FNDC3A: variants seen among roughly 807,000 people sequenced by gnomAD.
FNDC3A encodes fibronectin type III domain containing 3A, also known as fibronectin type-III domain-containing protein 3A.
FNDC3A carries 32 observed loss-of-function variants against 148.9 expected under a neutral mutation model. That is an observed-to-expected ratio of 0.21 (90% CI 0.16 to 0.29). FNDC3A has a LOEUF of 0.29. FNDC3A is among the 10% of genes least tolerant of loss of function. The probability of loss-of-function intolerance (pLI) is 1.00; values close to 1 mark genes in which losing one functional copy is unlikely to be tolerated. For synonymous variants in FNDC3A, 472 were observed against 473.6 expected (o/e 1.00, Z 0.04); for missense variants, 1,191 against 1,452.8 (o/e 0.82, Z 2.93).
At chr13:49,010,945 A>G (rs1952329717) in intron 2 of FNDC3A, among the ~76,000 whole-genome samples, 1 of 152,212 alleles carries the variant, frequency 6.6e-6, no homozygotes, top group Non-Finnish European at 1.5e-5. Flanking sequence ...ATATTGTTTT[A>G]AAGATTCCTC....
At chr13:49,018,296 C>T (rs565664963) in intron 2 of FNDC3A, among the ~76,000 whole-genome samples, 35 of 152,228 alleles carry the variant, frequency 2.3e-4, no homozygotes, top group East Asian at 1.9e-3. Context: ...AGGCTTTATT[C>T]GTTTCTTTTT....
intron 2 of FNDC3A, among the ~76,000 whole-genome samples, chr13:49,047,645 T>G (rs1327066810): frequency 3.3e-5 from 5 of 152,192 alleles, no homozygotes; most frequent in Admixed American, 3.3e-4. Flanking sequence ...GGATTGTTTG[T>G]TTTTTTCTTG....
chr13:49,049,892 G>GT lies in FNDC3A; in HGVS notation c.100-25390dup, dbSNP rs542717397. 7.1e-3 allele frequency among the ~76,000 whole-genome samples: 1,084 copies of GT among 151,944 alleles called. 17 individuals carry two copies. The highest frequency in any genetic ancestry group is 0.025 in the African/African-American group (1,024 of 41,466). The stretch of plus-strand genomic sequence containing the variant: ...GTGCCACTATGCCCGGCTAATTTTT[G>GT]TTTTTTTAGTAGAGACAGGGTTTCA... On this transcript the variant is annotated intron_variant, in intron 2 of 25. Transcript: ENST00000492622.
intron 1 of FNDC3A, among the ~76,000 whole-genome samples, chr13:48,981,381 A>G (rs1326486184): frequency 6.6e-6 from 1 of 152,076 alleles, no homozygotes; most frequent in African/African-American, 2.4e-5. Context: ...CCTCAAAGAT[A>G]TTGTGAGAAC....
At chr13:49,074,466 G>A (rs1472228533) in intron 2 of FNDC3A, among the ~76,000 whole-genome samples, 1 of 152,074 alleles carries the variant, frequency 6.6e-6, no homozygotes, top group Non-Finnish European at 1.5e-5. Context: ...GCTGTAGAGA[G>A]GTGAAAACTG....
chr13:49,118,321 G>T (rs923630672), intron 4 of FNDC3A, among the ~76,000 whole-genome samples: 2 of 152,104 alleles, frequency 1.3e-5, no homozygotes, highest in Non-Finnish European at 2.9e-5. Flanking sequence ...GTGCATTCCG[G>T]CCCAGATACC....
chr13:49,002,736 G>A (rs1438594199), intron 1 of FNDC3A, among the ~76,000 whole-genome samples: 1 of 152,142 alleles, frequency 6.6e-6, no homozygotes, highest in Non-Finnish European at 1.5e-5. Flanking sequence ...CATGCATGTT[G>A]TGTTTGTAAG....
intron 3 of FNDC3A, among the ~76,000 whole-genome samples, chr13:49,094,303 T>A (rs1429404182): frequency 6.6e-6 from 1 of 152,138 alleles, no homozygotes; most frequent in Non-Finnish European, 1.5e-5. Flanking sequence ...AATACCTTTC[T>A]GATTAACTGA....
upstream of FNDC3A, chr13:48,975,588 A>T (rs1951583004): frequency 6.6e-6 from 1 of 152,126 alleles, no homozygotes. Context: ...TGAAATGTGG[A>T]TTGAGAATTG....
intron 3 of FNDC3A, among the ~76,000 whole-genome samples, chr13:49,096,940 G>C (rs1879563494): frequency 6.6e-6 from 1 of 152,084 alleles, no homozygotes; most frequent in Non-Finnish European, 1.5e-5. Context: ...GAGACAGAAG[G>C]AACAGCATGT....
At position 49,145,851 on chromosome 13, in the gene FNDC3A, A is replaced by G. The variant is rs1398527494; in HGVS notation, c.893A>G (p.Asp298Gly). The G allele has an allele frequency of 3.7e-6, 6 of 1,613,442 alleles. No individual in the cohort carries two copies. The highest frequency in any genetic ancestry group is 5.1e-6 in the Non-Finnish European group (6 of 1,179,472). ...TCCAGCCTCATTAATGGTGAAACAG[A>G]TGAAAGTAGTGTACCAGAGCTCTAT... Reference protein sequence around the residue: ...PPSSLINGETDESSVPELYGY... With the variant: ...PPSSLINGETGESSVPELYGY... Residue 298 changes from aspartate (D) to glycine (G), a missense_variant, in exon 8 of 26, where the codon GAT becomes GGT. This residue lies in a region of FNDC3A where 426 missense variants were observed against 473.2 expected (regional missense o/e 0.90). Coordinates refer to ENST00000492622, the MANE Select transcript of FNDC3A (RefSeq NM_001079673.2).
intron 1 of FNDC3A, among the ~76,000 whole-genome samples, chr13:48,982,558 C>T (rs1951712528): frequency 6.6e-6 from 1 of 152,078 alleles, no homozygotes; most frequent in Non-Finnish European, 1.5e-5. Context: ...GGGCTACTGC[C>T]CCTCTAACCA....
At chr13:49,076,950 A>T (rs1354601527) in intron 3 of FNDC3A, among the ~76,000 whole-genome samples, 2 of 152,092 alleles carry the variant, frequency 1.3e-5, no homozygotes, top group African/African-American at 4.8e-5. Context: ...GGCCTTCCAT[A>T]TGTTGGGTAT....
intron 24 of FNDC3A, among the ~76,000 whole-genome samples, chr13:49,202,529 T>C (rs1886467567): frequency 6.6e-6 from 1 of 152,242 alleles, no homozygotes; most frequent in African/African-American, 2.4e-5. Flanking sequence ...GTCTATAAAG[T>C]TAATTGCTCT....
chr13:49,141,612 G>T (rs895560585), intron 7 of FNDC3A, among the ~76,000 whole-genome samples: 3 of 152,088 alleles, frequency 2.0e-5, no homozygotes, highest in Admixed American at 2.0e-4. Flanking sequence ...TTCTTCTACA[G>T]TCTTTGTCAA....
chr13:49,059,585 G>A (rs1350907223), intron 2 of FNDC3A, among the ~76,000 whole-genome samples: 2 of 151,950 alleles, frequency 1.3e-5, no homozygotes, highest in African/African-American at 4.8e-5. Context: ...CCTCCCAAGT[G>A]GCTGGGATTA....
At chr13:49,088,099 A>G (rs1878933813) in intron 3 of FNDC3A, among the ~76,000 whole-genome samples, 1 of 152,156 alleles carries the variant, frequency 6.6e-6, no homozygotes, top group South Asian at 2.1e-4. Flanking sequence ...TATTATCTTT[A>G]TGGACCATTG....
chr13:49,087,350 T>C (rs1035392946), intron 3 of FNDC3A, among the ~76,000 whole-genome samples: 2 of 152,154 alleles, frequency 1.3e-5, no homozygotes, highest in African/African-American at 4.8e-5. Context: ...TGATATCGTT[T>C]AGTGACTAAA....
intron 2 of FNDC3A, among the ~76,000 whole-genome samples, chr13:49,015,382 A>G (rs1250057224): frequency 2.0e-5 from 3 of 152,184 alleles, no homozygotes; most frequent in Non-Finnish European, 4.4e-5. Flanking sequence ...GAGTTCACTC[A>G]TGATTTGGCT....
Sources: gnomAD v4.1 joint callset for allele counts (sites outside exome capture counted in the v4.1 genomes callset) on GRCh38, gnomAD v4.1.1 for gene constraint, gnomAD v4.1.1 regional missense constraint, MANE v1.5 for transcripts, NCBI Gene and HGNC (gene_info 2026-07-23, HGNC 2026-07-21) for gene names.